Variants in ERICH3 observed in about 807,000 individuals in gnomAD.
The protein encoded by ERICH3 is glutamate-rich protein 3.
A neutral mutation model predicts 131.1 loss-of-function variants in ERICH3; 126 were observed. The ratio of observed to expected loss-of-function variants is 0.96; its 90% CI spans 0.83 to 1.11. The LOEUF (loss-of-function observed/expected upper bound fraction) is 1.11, where lower values mean the gene tolerates loss of function less well. Ranked by LOEUF, ERICH3 falls within the 50% of genes most tolerant of loss-of-function variation. The pLI is 0.00. For synonymous variants in ERICH3, 695 were observed against 644.6 expected (o/e 1.08, Z -1.18); for missense variants, 2,050 against 1,810.7 (o/e 1.13, Z -2.40).
chr1:74,600,118 A>G (rs1053225471), intron 10 of ERICH3, among the ~76,000 whole-genome samples, 187 bp from the exon 11 acceptor site: 1 of 151,924 alleles, frequency 6.6e-6, no homozygotes, highest in African/African-American at 2.4e-5. Flanking sequence ...AATCAGTTAC[A>G]TACACAAGAG....
intron 12 of ERICH3, among the ~76,000 whole-genome samples, chr1:74,587,582 C>T (rs1647394862): frequency 1.3e-5 from 2 of 152,100 alleles, no homozygotes; most frequent in Admixed American, 1.3e-4. Flanking sequence ...TGATATTCTA[C>T]AGCCTAATTA....
chr1:74,585,439 T>C (rs1647284284), intron 12 of ERICH3, among the ~76,000 whole-genome samples: 1 of 152,156 alleles, frequency 6.6e-6, no homozygotes, highest in African/African-American at 2.4e-5. Flanking sequence ...AAGGAAAATA[T>C]CATTTTATGC....
intron 12 of ERICH3, among the ~76,000 whole-genome samples, chr1:74,583,764 A>G (rs1429348365): frequency 6.6e-6 from 1 of 152,178 alleles, no homozygotes; most frequent in Admixed American, 6.5e-5. Flanking sequence ...TCTTTCTTCC[A>G]GGTTCTCAAA....
At chr1:74,603,718 T>C (rs1370573883) in intron 10 of ERICH3, among the ~76,000 whole-genome samples, 1 of 151,924 alleles carries the variant, frequency 6.6e-6, no homozygotes, top group East Asian at 1.9e-4. Context: ...TATGCTGCTG[T>C]CTGTTGAATA....
intron 9 of ERICH3, among the ~76,000 whole-genome samples, chr1:74,608,627 A>G (rs1369766592): frequency 2.0e-5 from 3 of 152,114 alleles, no homozygotes; most frequent in African/African-American, 7.2e-5. Context: ...TAACTTTTCA[A>G]TATCTCCCCA....
At position 74,572,726 on chromosome 1, in the gene ERICH3, C is replaced by T; in HGVS notation, c.2984G>A (p.Ser995Asn). 1 of 1,613,862 alleles carries T rather than the reference C, an allele frequency of 6.2e-7. No individual in the cohort carries two copies. Among genetic ancestry groups the T allele is most frequent in the Non-Finnish European group, 8.5e-7 (1 of 1,179,982 alleles). ...TGCCTCTGCCTCTCCTGTGAAGGGG[C>T]TCAAGCGTGTTTCTGTTCTCATAAC... ...KEVMRTETRL[S>N]PFTGEAEASR... Residue 995 changes from serine (S) to asparagine (N), a missense_variant, in exon 14 of 15, where the codon AGC becomes AAC. Coordinates refer to ENST00000326665, the MANE Select transcript of ERICH3 (RefSeq NM_001002912.5).
At chr1:74,613,038 G>C (rs937010199) in intron 8 of ERICH3, among the ~76,000 whole-genome samples, 4 of 152,084 alleles carry the variant, frequency 2.6e-5, no homozygotes, top group African/African-American at 9.7e-5. Context: ...AAAAGTTCTT[G>C]TATAAATCTC....
intron 12 of ERICH3, among the ~76,000 whole-genome samples, chr1:74,585,148 T>G (rs1340436012): frequency 1.3e-5 from 2 of 152,176 alleles, no homozygotes; most frequent in Non-Finnish European, 2.9e-5. Context: ...AGTTTACAAA[T>G]TAATGCACTT....
intron 12 of ERICH3, among the ~76,000 whole-genome samples, chr1:74,586,890 C>T (rs1243564506): frequency 6.6e-6 from 1 of 151,990 alleles, no homozygotes; most frequent in Non-Finnish European, 1.5e-5. Flanking sequence ...AAGAGCCCGA[C>T]CAAATGTTAA....
At chr1:74,575,087 C>T (rs1328100801) in intron 13 of ERICH3, among the ~76,000 whole-genome samples, 2 of 152,122 alleles carry the variant, frequency 1.3e-5, no homozygotes, top group East Asian at 1.9e-4. Flanking sequence ...CCAACATCAT[C>T]ACCAACAACC....
chr1:74,590,910 AAATATTCACTTTG>A (rs1212120648), intron 11 of ERICH3, among the ~76,000 whole-genome samples: 1 of 152,170 alleles, frequency 6.6e-6, no homozygotes, highest in Non-Finnish European at 1.5e-5. Flanking sequence ...AACGCTTTAT[AAATATTCACTTTG>A]TTATAGAAAA....
rs1557694201 is a variant in ERICH3, at chr1:74,636,274, A to G, written c.603+6T>C. ...AAATATATTTATTGATAAAAATAAC[A>G]TTTACCCCAATGGGAAACAGAGCTT... On this transcript the variant is annotated splice_donor_region_variant and intron_variant, in intron 6 of 14. Coordinates refer to ENST00000326665, the MANE Select transcript of ERICH3 (RefSeq NM_001002912.5). 6.3e-7 allele frequency: 1 copy of G among 1,589,306 alleles called. No individual in the cohort carries two copies. The highest frequency in any genetic ancestry group is 8.6e-7 in the Non-Finnish European group (1 of 1,168,602).
intron 7 of ERICH3, among the ~76,000 whole-genome samples, chr1:74,629,565 G>A (rs1159891014): frequency 6.6e-6 from 1 of 152,068 alleles, no homozygotes; most frequent in African/African-American, 2.4e-5. Context: ...GGGATGAAGA[G>A]GCTGCTGCTC....
chr1:74,606,053 G>A (rs1052057195), intron 10 of ERICH3, among the ~76,000 whole-genome samples: 1 of 151,392 alleles, frequency 6.6e-6, no homozygotes, highest in African/African-American at 2.4e-5. Context: ...TGTATGGAGA[G>A]AGGGAGACAG....
intron 10 of ERICH3, among the ~76,000 whole-genome samples, chr1:74,602,427 A>C (rs2100581667): frequency 6.6e-6 from 1 of 152,002 alleles, no homozygotes; most frequent in East Asian, 1.9e-4. Context: ...CTGTTCTCCC[A>C]TCCCATTTGC....
intron 9 of ERICH3, 148 bp downstream of exon 9, chr1:74,612,475 G>T (rs1648741851): frequency 1.7e-6 from 1 of 581,572 alleles, no homozygotes; most frequent in Non-Finnish European, 2.7e-6. Context: ...AGCACGCCAT[G>T]TTACAATAAA....
At chr1:74,651,986 G>A (rs1009022853) in intron 1 of ERICH3, among the ~76,000 whole-genome samples, 1 of 152,166 alleles carries the variant, frequency 6.6e-6, no homozygotes, top group Non-Finnish European at 1.5e-5. Context: ...AGCAGGTCCA[G>A]TTGGGTTGAA....
rs754883611 is a variant in ERICH3 at position 74,572,903 on chromosome 1, C to G, written c.2807G>C (p.Gly936Ala). The G allele has an allele frequency of 5.0e-6, 8 of 1,613,896 alleles. No individual in the cohort carries two copies. Among genetic ancestry groups the G allele is most frequent in the Non-Finnish European group, 5.9e-6 (7 of 1,180,012 alleles). Residue 936 changes from glycine (G) to alanine (A), a missense_variant, in exon 14 of 15, where the codon GGG becomes GCG. Physicochemically the swap from Gly to Ala is moderately conservative, Grantham distance 60. Coordinates refer to ENST00000326665, the MANE Select transcript of ERICH3 (RefSeq NM_001002912.5). The part of the protein sequence containing the change: ...ATSEEGEAEG[G>A]VAVSDVGESE... ...TTCTCCGACATCACTCACAGCCACCCCACCCTCAGCCTCTCCCTCCTCCGA... is the reference window on the plus strand; with the variant it reads ...TTCTCCGACATCACTCACAGCCACCGCACCCTCAGCCTCTCCCTCCTCCGA...
chr1:74,579,294 A>T, intron 12 of ERICH3: 1 of 670,940 alleles, frequency 1.5e-6, no homozygotes, highest in Non-Finnish European at 1.8e-6. Flanking sequence ...GGGTATAAAA[A>T]TATAGTCTAT....
Sources: allele counts gnomAD v4.1 joint callset (sites outside exome capture counted in the v4.1 genomes callset), GRCh38; gene constraint gnomAD v4.1.1; transcripts MANE v1.5; gene names NCBI Gene and HGNC (gene_info 2026-07-23, HGNC 2026-07-21).